The following PER3 variants were observed in gnomAD, a reference collection of about 807,000 sequenced individuals.
PER3 encodes the protein period circadian regulator 3.
PER3 carries 107 observed loss-of-function variants against 127.2 expected under a neutral mutation model. The observed-to-expected ratio is 0.84, with a 90% CI of 0.72 to 0.99. The LOEUF (loss-of-function observed/expected upper bound fraction) is 0.99, where lower values mean the gene tolerates loss of function less well. PER3 is among the 50% of genes least tolerant of loss of function. The pLI, the probability that PER3 is intolerant of heterozygous loss-of-function variation, is 0.00. For missense variants in PER3, 1,560 were observed against 1,525.8 expected, an observed-to-expected ratio of 1.02 and a Z score of -0.37; for synonymous variants, 618 against 585.8, an observed-to-expected ratio of 1.05 and a Z score of -0.79.
In PER3 at chr1:7,830,175, A is replaced by G. The variant is rs1377418528; in HGVS notation, c.3214+14A>G. The G allele has an allele frequency of 1.9e-6, 3 of 1,604,888 alleles. No individual in the cohort carries two copies. The highest frequency in any genetic ancestry group is 2.7e-5 in the African/African-American group (2 of 74,802). On this transcript the variant is annotated intron_variant, in intron 19 of 21. Transcript: ENST00000377532. The stretch of plus-strand genomic sequence containing the variant: ...CAGCAGCATCAGGTAGTGGATCAGG[A>G]CAACTAATGTTTCAAACTCCAATGC...
intron 10 of PER3, chr1:7,804,079 T>C: frequency 2.7e-6 from 1 of 376,872 alleles, no homozygotes. Flanking sequence ...TCTGGAATAT[T>C]TGCTTGATGT....
intron 19 of PER3, 98 bp downstream of exon 19, chr1:7,830,259 C>T (rs2097325022): frequency 2.7e-6 from 3 of 1,103,386 alleles, no homozygotes; most frequent in Non-Finnish European, 3.9e-6. Context: ...TGTGGAAGTA[C>T]AAGGTTTTTT....
intron 13 of PER3, 59 bp from the exon 14 acceptor site, chr1:7,819,226 A>G (rs1020121887): frequency 7.5e-6 from 11 of 1,469,466 alleles, no homozygotes; most frequent in Admixed American, 7.4e-5. Context: ...GTAAGAAAGT[A>G]TATGTTCTTA....
At chr1:7,819,982 G>A in intron 14 of PER3, 133 bp from the exon 15 acceptor site, 1 of 823,288 alleles carries the variant, frequency 1.2e-6, no homozygotes, top group Non-Finnish European at 2.0e-6. Context: ...AGGCTGGGAT[G>A]GTCAGGGAAG....
chr1:7,785,343 G>C, intron 2 of PER3, 98 bp from the exon 3 acceptor site: 1 of 918,198 alleles, frequency 1.1e-6, no homozygotes, highest in Admixed American at 2.0e-5. Context: ...TGCCGGTAGA[G>C]CACTTAGAAA....
Position 7,786,792 on chromosome 1 carries a change from G to C in PER3, c.346G>C (p.Glu116Gln). ...GGCAGATGTGAGCATGTACAGTCTT[G>C]AGGAGCTGGCCACTATCGCTTCAGA... is the stretch of plus-strand genomic sequence containing the variant. ...PQADVSMYSLEELATIASEHT... is the reference protein window; with the variant it reads ...PQADVSMYSLQELATIASEHT... The change falls in exon 4 of 22, where the codon GAG (glutamate) becomes CAG (glutamine). Residue 116 changes from glutamate to glutamine, a missense_variant. Physicochemically the swap from Glu to Gln is conservative, Grantham distance 29. This residue lies in a region of PER3 where 1,332 missense variants were observed against 1,223.6 expected (regional missense o/e 1.09). Transcript: ENST00000377532. The C allele has an allele frequency of 6.2e-7, 1 of 1,611,874 alleles. No individual in the cohort carries two copies. The highest frequency in any genetic ancestry group is 8.5e-7 in the Non-Finnish European group (1 of 1,177,948).
chr1:7,784,815 A>G lies in PER3; in HGVS notation c.-63A>G. 7.2e-7 allele frequency: 1 copy of G among 1,384,852 alleles called. No individual in the cohort carries two copies. The highest frequency in any genetic ancestry group is 9.3e-7 in the Non-Finnish European group (1 of 1,076,216). The allele number at this position is 1,384,852 out of a possible 1,614,324, so 85.8% of individuals were successfully genotyped here. A position where few individuals can be genotyped will look rare whatever the true frequency, so the allele number is the denominator to read the frequency against. On this transcript the variant is annotated 5_prime_UTR_variant, in exon 2 of 22. Transcript: ENST00000377532. ...AACCGGTGTCTGTCACTGACTGCAA[A>G]GTGAGCGAGAAGCAGGCTGCGGGCC...
At chr1:7,799,837 T>C (rs1425852757) in intron 7 of PER3, among the ~76,000 whole-genome samples, 1 of 151,386 alleles carries the variant, frequency 6.6e-6, no homozygotes, top group Non-Finnish European at 1.5e-5. Context: ...TGTGTGGTCA[T>C]GGCTCATTGC....
At chr1:7,831,265 T>G (rs1015110619) in intron 19 of PER3, among the ~76,000 whole-genome samples, 1 of 152,250 alleles carries the variant, frequency 6.6e-6, no homozygotes, top group African/African-American at 2.4e-5. Context: ...TTGTTTGTTG[T>G]TAGCATATAG....
chr1:7,810,190 C>T, intron 12 of PER3, 169 bp downstream of exon 12: 2 of 712,370 alleles, frequency 2.8e-6, no homozygotes, highest in East Asian at 5.2e-5. Context: ...AAGAAAATAT[C>T]ACCTTTGGAA....
chr1:7,796,478 C>T (rs535780011), intron 6 of PER3, among the ~76,000 whole-genome samples: 1 of 151,960 alleles, frequency 6.6e-6, no homozygotes, highest in African/African-American at 2.4e-5. Flanking sequence ...ACCGCCACAG[C>T]TAATTTTTAT....
chr1:7,798,187 AAATGAGACAGTT>A (rs1458202382), intron 6 of PER3, among the ~76,000 whole-genome samples: 1 of 152,206 alleles, frequency 6.6e-6, no homozygotes, highest in Non-Finnish European at 1.5e-5. Flanking sequence ...TAGATATGTG[AAATGAGACAGTT>A]ATGCTTGTCC....
rs554226195 is a variant in PER3 at position 7,805,634 on chromosome 1, C to T, written c.1136+1786C>T. Among the ~76,000 whole-genome samples the T allele has an allele frequency of 2.0e-5, 3 of 152,294 alleles. No individual in the cohort carries two copies. In the East Asian group the frequency reaches 5.8e-4, roughly 29 times the overall value. On this transcript the variant is annotated intron_variant, in intron 10 of 21. Transcript: ENST00000377532. ...AAGGACTTTGTCCCTTCTCCCCACC[C>T]CATACCCCCCAAGTACGGAAACCTA...
At chr1:7,784,619 A>AC (rs1185638084) in intron 1 of PER3, 35 bp from the exon 2 acceptor site, 1 of 363,492 alleles carries the variant, frequency 2.8e-6, no homozygotes, top group Non-Finnish European at 4.9e-6. Flanking sequence ...TGTCTGTTCC[A>AC]TTTGTCCCTT....
In PER3 at chr1:7,827,756, C is replaced by G. The variant is rs1467379241; in HGVS notation, c.2827C>G (p.Pro943Ala). Residue 943 changes from proline to alanine, a missense_variant, in exon 18 of 22, where the codon CCC becomes GCC. Around this residue, in one of 3 missense-constraint regions of PER3, gnomAD observed 1,332 missense variants for 1,223.6 expected, o/e 1.09. Transcript: ENST00000377532. ...LQLNLLQEEM[P>A]RPSESPDQMR... ...GTTAAACTTACTTCAGGAAGAGATG[C>G]CCAGACCCTCTGAATCTCCAGATCA... The G allele has an allele frequency of 3.1e-6, 5 of 1,613,836 alleles. No individual in the cohort carries two copies. The highest frequency in any genetic ancestry group is 4.2e-6 in the Non-Finnish European group (5 of 1,179,988).
intron 13 of PER3, among the ~76,000 whole-genome samples, chr1:7,818,555 C>T (rs2097261787): frequency 6.6e-6 from 1 of 152,158 alleles, no homozygotes; most frequent in African/African-American, 2.4e-5. Flanking sequence ...TTTCCAGCTA[C>T]CCTTTTTCAG....
chr1:7,821,942 T>C (rs1462595401), intron 16 of PER3, among the ~76,000 whole-genome samples: 2 of 152,238 alleles, frequency 1.3e-5, no homozygotes, highest in Non-Finnish European at 2.9e-5. Context: ...TGCAAGTTAA[T>C]GTCTTCATTT....
chr1:7,817,381 G>A (rs1480876215), intron 13 of PER3, among the ~76,000 whole-genome samples: 1 of 152,198 alleles, frequency 6.6e-6, no homozygotes, highest in East Asian at 1.9e-4. Context: ...ACACACGGAA[G>A]GGGTGGGGAA....
In PER3 at chr1:7,793,692, T is replaced by C. The variant is rs151005020; in HGVS notation, c.593-265T>C. Reference sequence around the variant, plus strand: ...TGATGAACATGGGCAGTTTGGGAACTATGAAAAGTAGTAAGGGGAAGAGAT... The same window carrying C: ...TGATGAACATGGGCAGTTTGGGAACCATGAAAAGTAGTAAGGGGAAGAGAT... On this transcript the variant is annotated intron_variant, in intron 5 of 21. Coordinates refer to ENST00000377532, the MANE Select transcript of PER3 (RefSeq NM_001377275.1). Among the ~76,000 whole-genome samples the C allele has an allele frequency of 2.7e-3, 409 of 152,246 alleles. 1 individual carries two copies. The highest frequency in any genetic ancestry group is 9.1e-3 in the African/African-American group (377 of 41,544).
Sources: gnomAD v4.1 joint callset for allele counts (sites outside exome capture counted in the v4.1 genomes callset) on GRCh38, gnomAD v4.1.1 for gene constraint, gnomAD v4.1.1 regional missense constraint, MANE v1.5 for transcripts, NCBI Gene and HGNC (gene_info 2026-07-23, HGNC 2026-07-21) for gene names.